SNX25: variants seen among roughly 807,000 people sequenced by gnomAD.
The protein encoded by SNX25 is sorting nexin 25, also known as sorting nexin-25.
A neutral mutation model predicts 113.7 loss-of-function variants in SNX25; 62 were observed. The ratio of observed to expected loss-of-function variants is 0.55; its 90% CI spans 0.44 to 0.67. SNX25 has a LOEUF of 0.67. SNX25 is among the 30% of genes least tolerant of loss of function. The probability of loss-of-function intolerance (pLI) is 0.00; values close to 1 mark genes in which losing one functional copy is unlikely to be tolerated. For missense variants in SNX25, 1,014 were observed against 1,161.0 expected (o/e 0.87, Z 1.84); for synonymous variants, 421 against 436.2 (o/e 0.97, Z 0.43).
chr4:185,333,882 A>G (rs1170397714), intron 10 of SNX25, among the ~76,000 whole-genome samples: 1 of 151,596 alleles, frequency 6.6e-6, no homozygotes, highest in Admixed American at 6.6e-5. Context: ...CATTTCTAGT[A>G]AAAATAAAAA....
At chr4:185,240,218 T>G (rs1014353033) in intron 1 of SNX25, among the ~76,000 whole-genome samples, 1 of 151,834 alleles carries the variant, frequency 6.6e-6, no homozygotes, top group South Asian at 2.1e-4. Context: ...TCCCCACCTT[T>G]CCCCCCTTTC....
intron 2 of SNX25, 65 bp downstream of exon 2, chr4:185,247,443 T>C (rs933976356): frequency 1.7e-6 from 2 of 1,191,062 alleles, no homozygotes; most frequent in Admixed American, 2.0e-5. Context: ...AAGAGGAAAA[T>C]AATAATCTCC....
At chr4:185,225,283 G>A (rs1740816608) in intron 1 of SNX25, among the ~76,000 whole-genome samples, 1 of 152,050 alleles carries the variant, frequency 6.6e-6, no homozygotes, top group Admixed American at 6.6e-5. Flanking sequence ...TCGGGCTAAC[G>A]CCCAGCTAAT....
intron 5 of SNX25, among the ~76,000 whole-genome samples, chr4:185,269,063 C>G (rs1457891350): frequency 6.6e-6 from 1 of 152,098 alleles, no homozygotes; most frequent in Non-Finnish European, 1.5e-5. Context: ...CTAGACATTT[C>G]TTTTTCGTAA....
chr4:185,205,856 A>G (rs1317005929), upstream of SNX25, among the ~76,000 whole-genome samples: 1 of 152,190 alleles, frequency 6.6e-6, no homozygotes, highest in Non-Finnish European at 1.5e-5. Context: ...TGTGGTCAAA[A>G]GTTTATCTTA....
intron 1 of SNX25, among the ~76,000 whole-genome samples, chr4:185,247,066 A>G (rs941650276): frequency 2.6e-5 from 4 of 152,126 alleles, no homozygotes; most frequent in East Asian, 1.9e-4. Flanking sequence ...ATTTATTCCT[A>G]TACAGTCATT....
In SNX25 at chr4:185,361,978, C is replaced by T. The variant is rs1466472844; in HGVS notation, c.2706C>T (p.Tyr902=). ...WIFSEQMLVY[Y]INIFRDAFWP... is the part of the protein sequence containing the mutation. Reference sequence around the variant, plus strand: ...TCAGTGAGCAAATGTTGGTTTACTACATCAATATTTTCCGGGATGCTTTTT... The same window carrying T: ...TCAGTGAGCAAATGTTGGTTTACTATATCAATATTTTCCGGGATGCTTTTT... Residue 902 remains tyrosine (Y), a synonymous_variant, in exon 17 of 19, where the codon TAC becomes TAT. Transcript: ENST00000652585. The T allele has an allele frequency of 3.1e-6, 5 of 1,613,932 alleles. No homozygotes were observed. The East Asian group carries it at 8.9e-5, about 29-fold the overall frequency.
At chr4:185,319,644 G>C (rs2095104693) in intron 7 of SNX25, among the ~76,000 whole-genome samples, 1 of 151,806 alleles carries the variant, frequency 6.6e-6, no homozygotes, top group Non-Finnish European at 1.5e-5. Flanking sequence ...CTTAATCTTG[G>C]CAAAATAAAC....
At chr4:185,241,226 A>G (rs1326962331) in intron 1 of SNX25, among the ~76,000 whole-genome samples, 14 of 152,186 alleles carry the variant, frequency 9.2e-5, no homozygotes, top group Admixed American at 1.3e-4. Flanking sequence ...CTGCCATCCC[A>G]GCACCTCAGG....
chr4:185,276,885 A>G (rs904320688), intron 5 of SNX25, among the ~76,000 whole-genome samples: 12 of 152,100 alleles, frequency 7.9e-5, no homozygotes, highest in Admixed American at 3.9e-4. Context: ...CCACATGCTC[A>G]TTTGTCTTTC....
At chr4:185,378,258 G>A in the SNX25 span, 2 of 1,594,354 alleles carry the variant, frequency 1.3e-6, no homozygotes, top group Admixed American at 3.6e-5. Context: ...CTCCAGCGAA[G>A]TGCAAAGAGA....
At chr4:185,362,211 A>C in intron 17 of SNX25, 106 bp downstream of exon 17, 1 of 1,407,314 alleles carries the variant, frequency 7.1e-7, no homozygotes. Flanking sequence ...TTTACAATGA[A>C]AAAAAAAAGG....
downstream of SNX25, chr4:185,371,064 A>T: frequency 2.6e-6 from 1 of 383,848 alleles, no homozygotes; most frequent in South Asian, 6.1e-5. Flanking sequence ...TGGAAAACAA[A>T]GGTATGTTTC....
chr4:185,276,570 G>C (rs1010456905), intron 5 of SNX25, among the ~76,000 whole-genome samples: 3 of 152,198 alleles, frequency 2.0e-5, no homozygotes, highest in Non-Finnish European at 2.9e-5. Flanking sequence ...AACAACCTCA[G>C]AGCCAGGTGT....
chr4:185,287,890 C>A, intron 5 of SNX25, 122 bp from the exon 6 acceptor site: 3 of 785,470 alleles, frequency 3.8e-6, no homozygotes, highest in Middle Eastern at 3.8e-4. Flanking sequence ...TTTTATGGAG[C>A]CTTGGGCAGG....
rs967613123 is a variant in SNX25 at position 185,233,000 on chromosome 4, A to G, written c.430-14294A>G. On this transcript the variant is annotated intron_variant, in intron 1 of 18. Coordinates refer to ENST00000652585, the MANE Select transcript of SNX25 (RefSeq NM_001378034.2). The surrounding 1 kb of genome is among the most constrained non-coding windows in gnomAD (Gnocchi z 4.4). ...GTTTCCATCAAAAATAAATGAAGCC[A>G]AGGCTGGGTGTGGTAGCTCACACCT... Among the ~76,000 whole-genome samples, 1 of 152,098 alleles carries G rather than the reference A, an allele frequency of 6.6e-6. No homozygotes were observed.
At chr4:185,261,122 G>GTGTGTGTGTC (rs1553992806) in intron 3 of SNX25, among the ~76,000 whole-genome samples, 1 of 134,610 alleles carries the variant, frequency 7.4e-6, no homozygotes, top group African/African-American at 2.8e-5. Flanking sequence ...CTCTGTGTGT[G>GTGTGTGTGTC]TGTGTGTGTG....
intron 1 of SNX25, among the ~76,000 whole-genome samples, chr4:185,214,025 T>C (rs1738369229): frequency 6.6e-6 from 1 of 151,858 alleles, no homozygotes; most frequent in South Asian, 2.1e-4. Context: ...TACCCCTACT[T>C]TCCTAAGAGA....
At chr4:185,306,224 A>G (rs1480337785) in intron 6 of SNX25, among the ~76,000 whole-genome samples, 2 of 152,244 alleles carry the variant, frequency 1.3e-5, no homozygotes, top group Non-Finnish European at 2.9e-5. Context: ...TGCCAGCAGC[A>G]TGGGATGCAT....
Sources: gnomAD v4.1 joint callset for allele counts (sites outside exome capture counted in the v4.1 genomes callset) on GRCh38, gnomAD v4.1.1 for gene constraint, Gnocchi (gnomAD v3.1) non-coding constraint, MANE v1.5 for transcripts, NCBI Gene and HGNC (gene_info 2026-07-23, HGNC 2026-07-21) for gene names.